Variants in SLC4A2 observed in about 807,000 individuals in gnomAD.
SLC4A2 encodes anion exchange protein 2.
In SLC4A2, 36 loss-of-function variants were observed where a neutral mutation model predicts 115.0. That is an observed-to-expected ratio of 0.31 (90% CI 0.24 to 0.41). SLC4A2 has a LOEUF of 0.41. Ranked by LOEUF, SLC4A2 falls within the 10% of genes least tolerant of loss-of-function variation. The pLI is 1.00. For missense variants in SLC4A2, 1,252 were observed against 1,705.6 expected (o/e 0.73, Z 4.68); for synonymous variants, 708 against 708.3 (o/e 1.00, Z 0.01).
intron 7 of SLC4A2, 36 bp downstream of exon 7, chr7:151,067,029 C>T (rs774413499): frequency 1.9e-6 from 3 of 1,544,028 alleles, no homozygotes; most frequent in Non-Finnish European, 1.7e-6. Context: ...CCATCAACTT[C>T]CCACACGACC....
intron 8 of SLC4A2, among the ~76,000 whole-genome samples, chr7:151,069,280 G>T (rs35165037): frequency 6.6e-6 from 1 of 152,094 alleles, no homozygotes; most frequent in Non-Finnish European, 1.5e-5. Flanking sequence ...CTCACTGGGC[G>T]TTGTGGTCTC....
intron 6 of SLC4A2, 44 bp from the exon 7 acceptor site, chr7:151,066,807 G>C: frequency 6.3e-7 from 1 of 1,595,588 alleles, no homozygotes. Context: ...GGGCAAAGGA[G>C]TGAGAGAAAG....
At position 151,071,058 on chromosome 7, in the gene SLC4A2, T is replaced by C. The variant is rs1348639901; in HGVS notation, c.1750-14T>C. The C allele has an allele frequency of 1.2e-6, 2 of 1,612,234 alleles. No homozygotes were observed. The highest frequency in any genetic ancestry group is 2.2e-5 in the East Asian group (1 of 44,870). ...TTCTTTGTGCTCTCCCCCATCCCCATGCTGCTTTGGCAGCAATTCCACGAG... is the reference window on the plus strand; with the variant it reads ...TTCTTTGTGCTCTCCCCCATCCCCACGCTGCTTTGGCAGCAATTCCACGAG... On this transcript the variant is annotated splice_polypyrimidine_tract_variant and intron_variant, in intron 12 of 22. Coordinates refer to ENST00000413384, the MANE Select transcript of SLC4A2 (RefSeq NM_003040.4). The surrounding 1 kb of genome is among the most constrained non-coding windows in gnomAD (Gnocchi z 5.5).
chr7:151,073,858 C>A, intron 16 of SLC4A2, 181 bp from the exon 17 acceptor site: 1 of 648,918 alleles, frequency 1.5e-6, no homozygotes, highest in Non-Finnish European at 2.6e-6. Flanking sequence ...GTCTTTTCTG[C>A]CCCACACTGC....
At chr7:151,065,563 A>G (rs1341902294) in intron 5 of SLC4A2, among the ~76,000 whole-genome samples, 2 of 152,200 alleles carry the variant, frequency 1.3e-5, no homozygotes, top group Non-Finnish European at 1.5e-5. Flanking sequence ...ACTTTGAACT[A>G]GGTCTCAAGG....
chr7:151,064,564 T>G lies in SLC4A2; in HGVS notation c.256T>G (p.Ser86Ala). The stretch of plus-strand genomic sequence containing the variant: ...CTCCCACCACATCCATCACCCACTG[T>G]CCACCCACCTGCCTCCGGATGCACG... ...QSSHHIHHPL[S>A]THLPPDARRR... The change falls in exon 4 of 23, where the codon TCC becomes GCC. Residue 86 changes from serine (S) to alanine (A), a missense_variant. Around this residue, in one of 14 missense-constraint regions of SLC4A2, gnomAD observed 10 missense variants for 39.3 expected, o/e 0.25. Transcript: ENST00000413384. 6.2e-7 allele frequency: 1 copy of G among 1,612,174 alleles called. No homozygotes were observed. The highest frequency in any genetic ancestry group is 1.7e-5 in the Admixed American group (1 of 60,000).
intron 7 of SLC4A2, 108 bp from the exon 8 acceptor site, chr7:151,067,766 G>A (rs759058840): frequency 2.8e-5 from 25 of 881,560 alleles, no homozygotes; most frequent in East Asian, 1.3e-4. Flanking sequence ...CACTGTGCTC[G>A]TGCTCTCCAG....
rs766411783 is a variant in SLC4A2 at position 151,070,354 on chromosome 7, G to T, written c.1449+8G>T. ...CTGGAGGTGGAGCGAGAGGTGAGGG[G>T]AGAACCAGCCCTGCCTGGGCTGGCG... On this transcript the variant is annotated splice_region_variant and intron_variant, in intron 10 of 22. Coordinates refer to ENST00000413384, the MANE Select transcript of SLC4A2 (RefSeq NM_003040.4). 5 of 1,610,054 alleles carry T rather than the reference G, an allele frequency of 3.1e-6. No homozygotes were observed. In the Admixed American group the frequency reaches 8.4e-5, roughly 27 times the overall value.
rs1173531386 is a variant in SLC4A2 at position 151,076,102 on chromosome 7, G to A, written c.3561G>A (p.Leu1187=). The part of the protein sequence containing the change: ...LWAVMSTAAS[L]AFPFILILTV... ...CCGTCATGTCCACAGCTGCCTCCCT[G>A]GCCTTCCCCTTCATCCTCATCCTCA... The change falls in exon 22 of 23, where the codon CTG becomes CTA. Residue 1187 remains leucine (L), a synonymous_variant. Coordinates refer to ENST00000413384, the MANE Select transcript of SLC4A2 (RefSeq NM_003040.4). 6.2e-7 allele frequency: 1 copy of A among 1,610,962 alleles called. No homozygotes were observed. Among genetic ancestry groups the A allele is most frequent in the Admixed American group, 1.7e-5 (1 of 59,994 alleles).
intron 2 of SLC4A2, chr7:151,062,547 G>A: frequency 7.1e-7 from 1 of 1,402,630 alleles, no homozygotes; most frequent in Non-Finnish European, 9.3e-7. Context: ...AATCAGCTCC[G>A]CTATTGGTCA....
In SLC4A2 at chr7:151,071,209, C is replaced by T. The variant is rs1480568970; in HGVS notation, c.1887C>T (p.Phe629=). The T allele has an allele frequency of 1.9e-6, 3 of 1,600,732 alleles. No individual in the cohort carries two copies. The Admixed American group carries it at 5.2e-5, about 28-fold the overall frequency. ...GEELLRSVAH[F]QRQMLKKREE... ...AGCTGCTGCGCTCTGTGGCCCACTTCCAGCGCCAGATGCTCAAGAAGCGAG... is the reference window on the plus strand; with the variant it reads ...AGCTGCTGCGCTCTGTGGCCCACTTTCAGCGCCAGATGCTCAAGAAGCGAG... Residue 629 remains phenylalanine (F), a synonymous_variant, in exon 13 of 23, where the codon TTC becomes TTT. Coordinates refer to ENST00000413384, the MANE Select transcript of SLC4A2 (RefSeq NM_003040.4). This position sits in a 1 kb window ranked among gnomAD's most constrained non-coding sequence, Gnocchi z 5.5.
intron 5 of SLC4A2, 55 bp from the exon 6 acceptor site, chr7:151,066,462 G>A: frequency 6.9e-7 from 1 of 1,454,038 alleles, no homozygotes; most frequent in East Asian, 2.5e-5. Flanking sequence ...CGTGGGTGCT[G>A]GGCGTGGGGG....
chr7:151,058,875 A>G (rs1253937945), upstream of SLC4A2: 1 of 152,280 alleles, frequency 6.6e-6, no homozygotes, highest in Non-Finnish European at 1.5e-5. Flanking sequence ...AAAGGATCCC[A>G]AACAGCACTC....
rs565140727 is a variant in SLC4A2 at position 151,074,254 on chromosome 7, C to T, written c.2751C>T (p.Phe917=). 1 of 1,612,100 alleles carries T rather than the reference C, an allele frequency of 6.2e-7. No homozygotes were observed. The highest frequency in any genetic ancestry group is 2.2e-5 in the East Asian group (1 of 44,884). The change falls in exon 17 of 23, where the codon TTC becomes TTT. Residue 917 remains phenylalanine, a synonymous_variant. Coordinates refer to ENST00000413384, the MANE Select transcript of SLC4A2 (RefSeq NM_003040.4). ...LMAGTFFIAF[F]LRKFKNSRFF... ...CCGGCACCTTCTTCATCGCCTTCTT[C>T]CTGCGCAAATTCAAGAACAGCCGGT...
At position 151,072,091 on chromosome 7, in the gene SLC4A2, G is replaced by A. The variant is rs748945851; in HGVS notation, c.2490G>A (p.Leu830=). 1.2e-5 allele frequency: 20 copies of A among 1,614,086 alleles called. No individual in the cohort carries two copies. Among genetic ancestry groups the A allele is most frequent in the Non-Finnish European group, 1.7e-5 (20 of 1,180,014 alleles). The change falls in exon 16 of 23, where the codon TTG becomes TTA. Residue 830 remains leucine, a synonymous_variant. Coordinates refer to ENST00000413384, the MANE Select transcript of SLC4A2 (RefSeq NM_003040.4). ...TCACCCAGGAGATCTTCGCCTTCTTGATCTCACTCATCTTCATCTATGAGA... is the reference window on the plus strand; with the variant it reads ...TCACCCAGGAGATCTTCGCCTTCTTAATCTCACTCATCTTCATCTATGAGA... ...SRFTQEIFAF[L]ISLIFIYETF... is the part of the protein sequence containing the mutation.
intron 2 of SLC4A2, chr7:151,062,582 T>C (rs981579394): frequency 6.8e-7 from 1 of 1,470,314 alleles, no homozygotes; most frequent in Non-Finnish European, 8.9e-7. Context: ...GGCACGTGAC[T>C]GGGAAGGGGC....
At chr7:151,062,676 T>C in intron 2 of SLC4A2, 1 of 1,510,078 alleles carries the variant, frequency 6.6e-7, no homozygotes, top group Non-Finnish European at 8.8e-7. Context: ...GCGAGGGGTC[T>C]GCGACCCTCT....
upstream of SLC4A2, chr7:151,058,752 C>T (rs1549760): frequency 0.26 from 39,267 of 152,188 alleles, 5,344 homozygotes; most frequent in Admixed American, 0.39. Context: ...CAGACCGATG[C>T]TCAACTTGCA....
rs2229549 is a variant in SLC4A2 at position 151,066,568 on chromosome 7, T to A, written c.630T>A (p.Thr210=). The change falls in exon 6 of 23, where the codon ACT becomes ACA. Residue 210 remains threonine, a synonymous_variant. Coordinates refer to ENST00000413384, the MANE Select transcript of SLC4A2 (RefSeq NM_003040.4). ...EAEAVAVASG[T]AGGDDGGASG... ...AGGCGGTGGCGGTGGCCAGTGGCAC[T>A]GCAGGGGGTGACGACGGGGGTGCCT... 0.57 allele frequency: 881,811 copies of A among 1,545,142 alleles called. 255,817 individuals carry two copies. Among genetic ancestry groups the A allele is most frequent in the Admixed American group, 0.73 (36,795 of 50,688 alleles).
Sources: gnomAD v4.1 joint callset for allele counts (sites outside exome capture counted in the v4.1 genomes callset) on GRCh38, gnomAD v4.1.1 for gene constraint, gnomAD v4.1.1 regional missense constraint, Gnocchi (gnomAD v3.1) non-coding constraint, MANE v1.5 for transcripts, NCBI Gene and HGNC (gene_info 2026-07-23, HGNC 2026-07-21) for gene names.